The following SNTB1 variants were observed in gnomAD, a reference collection of about 807,000 sequenced individuals.
The protein encoded by SNTB1 is syntrophin beta 1.
SNTB1 carries 36 observed loss-of-function variants against 48.9 expected under a neutral mutation model. That is an observed-to-expected ratio of 0.74 (90% CI 0.56 to 0.97). SNTB1 has a LOEUF of 0.97. Ranked by LOEUF, SNTB1 falls within the 50% of genes least tolerant of loss-of-function variation. The pLI is 0.00. For synonymous variants in SNTB1, 299 were observed against 294.6 expected (o/e 1.01, Z -0.15); for missense variants, 786 against 703.4 (o/e 1.12, Z -1.33).
chr8:120,732,686 C>G (rs766370977), intron 1 of SNTB1, among the ~76,000 whole-genome samples: 1 of 151,952 alleles, frequency 6.6e-6, no homozygotes, highest in Admixed American at 6.6e-5. Context: ...CTCTATTAAA[C>G]GTACAAAAAT....
intron 1 of SNTB1, among the ~76,000 whole-genome samples, chr8:120,695,444 A>G (rs573028244): frequency 9.2e-5 from 14 of 152,242 alleles, no homozygotes; most frequent in African/African-American, 2.9e-4. Context: ...TGCCCCACAA[A>G]TCTTGGCCCA....
chr8:120,584,244 C>T (rs750127571), intron 3 of SNTB1, among the ~76,000 whole-genome samples: 11 of 152,006 alleles, frequency 7.2e-5, no homozygotes, highest in Non-Finnish European at 1.5e-4. Context: ...GAGTTCGAGA[C>T]CAGCCTGGCC....
At chr8:120,784,731 G>T (rs1335031825) in intron 1 of SNTB1, among the ~76,000 whole-genome samples, 1 of 152,208 alleles carries the variant, frequency 6.6e-6, no homozygotes. Context: ...CACTTGAAAA[G>T]ACAAAATAGT....
rs986945915 is a variant in SNTB1 at position 120,740,585 on chromosome 8, G to GGCC, written c.572-46680_572-46678dup. Among the ~76,000 whole-genome samples, 386 of 152,192 alleles carry GGCC rather than the reference G, an allele frequency of 2.5e-3. 1 individual carries two copies. Among genetic ancestry groups the GGCC allele is most frequent in the African/African-American group, 9.0e-3 (376 of 41,552 alleles). On this transcript the variant is annotated intron_variant, in intron 1 of 6. Coordinates refer to ENST00000517992, the MANE Select transcript of SNTB1 (RefSeq NM_021021.4). ...GGTGGGGAACTGGAACTGGCTTACAGGCCATGGGTAATTAAGCCTTATGTT... is the reference window on the plus strand; with the variant it reads ...GGTGGGGAACTGGAACTGGCTTACAGGCCGCCATGGGTAATTAAGCCTTATGTT...
intron 2 of SNTB1, among the ~76,000 whole-genome samples, chr8:120,651,385 C>A (rs1817408677): frequency 6.6e-6 from 1 of 152,204 alleles, no homozygotes; most frequent in African/African-American, 2.4e-5. Context: ...TTTAACCCAT[C>A]TACCTCTTTG....
intron 1 of SNTB1, among the ~76,000 whole-genome samples, chr8:120,732,790 G>A (rs1278444964): frequency 6.6e-6 from 1 of 152,168 alleles, no homozygotes; most frequent in Non-Finnish European, 1.5e-5. Flanking sequence ...AGGTTGCAGT[G>A]AGCTGAGATC....
At chr8:120,717,361 A>G (rs1430164401) in intron 1 of SNTB1, among the ~76,000 whole-genome samples, 2 of 152,214 alleles carry the variant, frequency 1.3e-5, no homozygotes, top group Non-Finnish European at 2.9e-5. Context: ...CCACTGCACG[A>G]GTCGAGAGCT....
intron 3 of SNTB1, among the ~76,000 whole-genome samples, chr8:120,582,017 A>T (rs1170281697): frequency 6.6e-6 from 1 of 152,194 alleles, no homozygotes; most frequent in East Asian, 1.9e-4. Flanking sequence ...CCTGGGCAAC[A>T]AGAGTGAAAC....
chr8:120,620,380 A>T (rs1298445107), intron 3 of SNTB1, among the ~76,000 whole-genome samples: 2 of 152,150 alleles, frequency 1.3e-5, no homozygotes, highest in South Asian at 2.1e-4. Context: ...AATATTTTTT[A>T]AAAACTTGTC....
chr8:120,811,394 C>A lies in SNTB1; in HGVS notation c.450G>T (p.Gln150His). ...SKIFKGLAAD[Q>H]TQALYVGDAI... is the part of the protein sequence containing the mutation. Reference sequence around the variant, plus strand: ...CGTCGCCCACGTACAGGGCTTGGGTCTGGTCCGCCGCCAGCCCCTTGAAGA... The same window carrying A: ...CGTCGCCCACGTACAGGGCTTGGGTATGGTCCGCCGCCAGCCCCTTGAAGA... Residue 150 changes from glutamine (Q) to histidine (H), a missense_variant, in exon 1 of 7, where the codon CAG (glutamine) becomes CAT (histidine). Physicochemically the swap from Gln to His is conservative, Grantham distance 24. Transcript: ENST00000517992. The A allele has an allele frequency of 1.9e-6, 3 of 1,614,048 alleles. No homozygotes were observed. The highest frequency in any genetic ancestry group is 2.5e-6 in the Non-Finnish European group (3 of 1,179,946).
intron 2 of SNTB1, among the ~76,000 whole-genome samples, chr8:120,638,872 C>T (rs950822375): frequency 3.3e-5 from 5 of 152,168 alleles, no homozygotes; most frequent in African/African-American, 9.7e-5. Context: ...CATACGTGTA[C>T]ATGTATCTTT....
rs117990222 is a variant in SNTB1, at chr8:120,759,755, C to A, written c.571+51518G>T. 2.3e-4 allele frequency among the ~76,000 whole-genome samples: 35 copies of A among 152,256 alleles called. 2 individuals carry two copies. In the East Asian group the frequency reaches 6.4e-3, roughly 28 times the overall value. On this transcript the variant is annotated intron_variant, in intron 1 of 6. Coordinates refer to ENST00000517992, the MANE Select transcript of SNTB1 (RefSeq NM_021021.4). ...CATAGCCTTTCATTCTGAACCACTCCGTTAAATTCTTATTTGGTTGGCCCT... is the reference window on the plus strand; with the variant it reads ...CATAGCCTTTCATTCTGAACCACTCAGTTAAATTCTTATTTGGTTGGCCCT...
chr8:120,726,645 A>G (rs1818760168), intron 1 of SNTB1, among the ~76,000 whole-genome samples: 1 of 152,200 alleles, frequency 6.6e-6, no homozygotes, highest in African/African-American at 2.4e-5. Flanking sequence ...AAAATACAAG[A>G]TTTAAAAGGG....
chr8:120,765,703 C>T (rs901140564), intron 1 of SNTB1: 1 of 152,152 alleles, frequency 6.6e-6, no homozygotes, highest in Admixed American at 6.5e-5. Context: ...TAAACACTAC[C>T]CACTAGGTCC....
intron 3 of SNTB1, among the ~76,000 whole-genome samples, chr8:120,621,086 A>C (rs954657335): frequency 3.3e-5 from 5 of 151,810 alleles, no homozygotes; most frequent in African/African-American, 1.2e-4. Context: ...CAGCCTCCCA[A>C]GTAGCTGGGA....
chr8:120,740,156 A>T (rs888478909), intron 1 of SNTB1, among the ~76,000 whole-genome samples: 3 of 152,160 alleles, frequency 2.0e-5, no homozygotes, highest in African/African-American at 7.2e-5. Flanking sequence ...TGCACCTCTT[A>T]TATATTTGGC....
intron 1 of SNTB1, among the ~76,000 whole-genome samples, chr8:120,711,803 G>A (rs1818468226): frequency 6.6e-6 from 1 of 152,032 alleles, no homozygotes; most frequent in Admixed American, 6.6e-5. Flanking sequence ...AACAGGAGCA[G>A]AACCCAAAAA....
intron 1 of SNTB1, among the ~76,000 whole-genome samples, chr8:120,740,390 T>C (rs1819023334): frequency 6.6e-6 from 1 of 152,046 alleles, no homozygotes; most frequent in Non-Finnish European, 1.5e-5. Context: ...ACAAAAAGAG[T>C]AATCACAATA....
chr8:120,753,463 TA>T (rs1487792059), intron 1 of SNTB1, among the ~76,000 whole-genome samples: 3 of 152,166 alleles, frequency 2.0e-5, no homozygotes, highest in African/African-American at 4.8e-5. Context: ...AAATCTACGC[TA>T]AATCCTCCTC....
Sources: allele counts gnomAD v4.1 joint callset (sites outside exome capture counted in the v4.1 genomes callset), GRCh38; gene constraint gnomAD v4.1.1; transcripts MANE v1.5; gene names NCBI Gene and HGNC (gene_info 2026-07-23, HGNC 2026-07-21).